PLXDC2: variants seen among roughly 807,000 people sequenced by gnomAD.
PLXDC2 encodes plexin domain-containing protein 2.
Under a neutral mutation model 68.9 loss-of-function variants are expected in PLXDC2, and 40 were observed. That is an observed-to-expected ratio of 0.58 (90% CI 0.45 to 0.76). PLXDC2 has a LOEUF of 0.76. Among genes scored for constraint, PLXDC2 ranks in the 30% least tolerant of loss-of-function variants. The pLI, the probability that PLXDC2 is intolerant of heterozygous loss-of-function variation, is 0.00. For missense variants in PLXDC2, 644 were observed against 661.9 expected (o/e 0.97, Z 0.30); for synonymous variants, 243 against 234.2 (o/e 1.04, Z -0.34).
intron 1 of PLXDC2, among the ~76,000 whole-genome samples, chr10:19,898,891 G>T (rs1838110200): frequency 6.6e-6 from 1 of 152,102 alleles, no homozygotes; most frequent in Non-Finnish European, 1.5e-5. Flanking sequence ...TATTTACTTG[G>T]AAGCTACTTT....
At chr10:19,976,623 T>C (rs1834460545) in intron 1 of PLXDC2, among the ~76,000 whole-genome samples, 1 of 152,336 alleles carries the variant, frequency 6.6e-6, no homozygotes. Context: ...TGTGCCCAGA[T>C]GTGGGTATAA....
intron 1 of PLXDC2, among the ~76,000 whole-genome samples, chr10:19,943,718 G>A (rs1273256143): frequency 6.6e-6 from 1 of 152,106 alleles, no homozygotes; most frequent in Non-Finnish European, 1.5e-5. Context: ...TAAAGAAGTA[G>A]GAACAGCCTT....
intron 6 of PLXDC2, among the ~76,000 whole-genome samples, chr10:20,155,597 C>G (rs1455728405): frequency 6.6e-6 from 1 of 152,112 alleles, no homozygotes; most frequent in Non-Finnish European, 1.5e-5. Flanking sequence ...CATAGGACTT[C>G]CCTATATTTT....
intron 13 of PLXDC2, among the ~76,000 whole-genome samples, chr10:20,248,888 A>C (rs1163946782): frequency 1.3e-5 from 2 of 152,198 alleles, no homozygotes; most frequent in Non-Finnish European, 2.9e-5. Flanking sequence ...TTGAAGTGAA[A>C]TTGATGTGCT....
At chr10:19,821,774 T>A (rs377444679) in intron 1 of PLXDC2, among the ~76,000 whole-genome samples, 4 of 152,218 alleles carry the variant, frequency 2.6e-5, no homozygotes, top group African/African-American at 9.6e-5. Flanking sequence ...AAGCATAAGA[T>A]CCAGAAGTCT....
Position 19,953,826 on chromosome 10 carries a change from G to GT in PLXDC2, c.113-47939dup, listed in dbSNP as rs79061057. On this transcript the variant is annotated intron_variant, in intron 1 of 13. Transcript: ENST00000377252. The stretch of plus-strand genomic sequence containing the variant: ...ATGTGAAATGAAAAGAAACCAGCCT[G>GT]TTTTTTTTTTCTTTTAAATATGACA... 5.2e-3 allele frequency among the ~76,000 whole-genome samples: 764 copies of GT among 148,306 alleles called. 3 individuals are homozygous for GT. The highest frequency in any genetic ancestry group is 8.4e-3 in the African/African-American group (340 of 40,508).
At chr10:20,276,514 T>C (rs1449583579) in intron 13 of PLXDC2, among the ~76,000 whole-genome samples, 1 of 152,190 alleles carries the variant, frequency 6.6e-6, no homozygotes, top group East Asian at 1.9e-4. Context: ...ATCACATAAA[T>C]AATTCTCAGA....
intron 6 of PLXDC2, among the ~76,000 whole-genome samples, chr10:20,160,955 C>T (rs1394555045): frequency 6.6e-6 from 1 of 152,112 alleles, no homozygotes; most frequent in Non-Finnish European, 1.5e-5. Context: ...TGCCACTGCA[C>T]TCCAGCCTGG....
intron 1 of PLXDC2, among the ~76,000 whole-genome samples, chr10:19,838,251 C>T (rs1836836911): frequency 2.0e-5 from 3 of 152,274 alleles, no homozygotes; most frequent in Admixed American, 6.5e-5. Context: ...GTGTGAACCA[C>T]CATGCCCGGC....
intron 2 of PLXDC2, among the ~76,000 whole-genome samples, chr10:20,039,197 T>C (rs555248829): frequency 1.8e-4 from 27 of 152,176 alleles, no homozygotes; most frequent in Non-Finnish European, 3.4e-4. Context: ...TGTAGCTGTG[T>C]GTCCAGTTTA....
At position 20,164,535 on chromosome 10, in the gene PLXDC2, T is replaced by A; in HGVS notation, c.851T>A (p.Phe284Tyr). 6.2e-7 allele frequency: 1 copy of A among 1,613,606 alleles called. No homozygotes were observed. The highest frequency in any genetic ancestry group is 8.5e-7 in the Non-Finnish European group (1 of 1,179,692). Residue 284 changes from phenylalanine to tyrosine, a missense_variant, in exon 7 of 14, where the codon TTT becomes TAT. Physicochemically the swap from Phe to Tyr is conservative, Grantham distance 22 (BLOSUM62 3). Transcript: ENST00000377252. Reference protein sequence around the residue: ...HPVKVGLSDAFVVVHRIQQIP... With the variant: ...HPVKVGLSDAYVVVHRIQQIP... ...GTGAAAGTCGGACTGTCCGATGCAT[T>A]TGTCGTTGTCCACAGGATCCAACAA... is the stretch of plus-strand genomic sequence containing the variant.
At chr10:20,194,525 A>G (rs1481469203) in intron 9 of PLXDC2, among the ~76,000 whole-genome samples, 1 of 152,108 alleles carries the variant, frequency 6.6e-6, no homozygotes, top group African/African-American at 2.4e-5. Flanking sequence ...TTATTAAAAG[A>G]TATTCTAATT....
intron 1 of PLXDC2, among the ~76,000 whole-genome samples, chr10:19,822,279 A>G (rs1564599653): frequency 1.3e-5 from 2 of 149,108 alleles, no homozygotes; most frequent in South Asian, 4.2e-4. Flanking sequence ...TAATATATGC[A>G]CTATATATGC....
chr10:19,946,179 A>C (rs1833897618), intron 1 of PLXDC2, among the ~76,000 whole-genome samples: 1 of 152,142 alleles, frequency 6.6e-6, no homozygotes, highest in South Asian at 2.1e-4. Context: ...GCCTCCAATC[A>C]TCTCCTCCTC....
intron 2 of PLXDC2, among the ~76,000 whole-genome samples, chr10:20,027,661 C>T (rs1305371679): frequency 6.7e-6 from 1 of 149,564 alleles, no homozygotes; most frequent in East Asian, 2.0e-4. Flanking sequence ...GATACTTTCT[C>T]TCAACACTTG....
At chr10:19,977,110 G>A (rs1489964587) in intron 1 of PLXDC2, among the ~76,000 whole-genome samples, 1 of 152,096 alleles carries the variant, frequency 6.6e-6, no homozygotes, top group African/African-American at 2.4e-5. Flanking sequence ...TATATTAGAG[G>A]CATTCTTCAG....
chr10:20,235,936 A>ATATC, intron 12 of PLXDC2, among the ~76,000 whole-genome samples: 2 of 152,258 alleles, frequency 1.3e-5, no homozygotes, highest in South Asian at 4.1e-4. Flanking sequence ...GTCACTATGA[A>ATATC]TATCTTTGTT....
intron 2 of PLXDC2, among the ~76,000 whole-genome samples, chr10:20,027,366 C>T (rs1835422417): frequency 6.6e-6 from 1 of 151,932 alleles, no homozygotes; most frequent in Non-Finnish European, 1.5e-5. Context: ...GGATTCATCC[C>T]CTTCTCTCCT....
intron 1 of PLXDC2, among the ~76,000 whole-genome samples, chr10:19,903,983 G>C (rs1228459746): frequency 2.0e-5 from 3 of 151,912 alleles, no homozygotes; most frequent in Non-Finnish European, 2.9e-5. Flanking sequence ...CCATCTATTT[G>C]TGTGGTTTTG....
Sources: allele counts gnomAD v4.1 joint callset (sites outside exome capture counted in the v4.1 genomes callset), GRCh38; gene constraint gnomAD v4.1.1; transcripts MANE v1.5; gene names NCBI Gene and HGNC (gene_info 2026-07-23, HGNC 2026-07-21).